The following KCNJ10 variants were observed in gnomAD, a reference collection of about 807,000 sequenced individuals.
The protein encoded by KCNJ10 is ATP-sensitive inward rectifier potassium channel 10.
Under a neutral mutation model 22.2 loss-of-function variants are expected in KCNJ10, and 9 were observed. The ratio of observed to expected loss-of-function variants is 0.40; its 90% confidence interval spans 0.24 to 0.71. KCNJ10 has a LOEUF of 0.71. KCNJ10 is among the 30% of genes least tolerant of loss of function. KCNJ10 has a pLI of 0.35. For missense variants in KCNJ10, 337 were observed against 482.7 expected (o/e 0.70, Z 2.83); for synonymous variants, 184 against 187.3 (o/e 0.98, Z 0.15).
chr1:160,042,455 T>A lies in KCNJ10; in HGVS notation c.78A>T (p.Arg26=). The A allele has an allele frequency of 6.2e-7, 1 of 1,614,142 alleles. No homozygotes were observed. Among genetic ancestry groups the A allele is most frequent in the Non-Finnish European group, 8.5e-7 (1 of 1,180,014 alleles). ...ESRPLMGPGI[R]RRRVLTKDGR... ...CATCTTTTGTCAGGACTCTCCGCCG[T>A]CGTATCCCTGGGCCCATTAGGGGCC... The change falls in exon 2 of 2, where the codon CGA becomes CGT. Residue 26 remains arginine, a synonymous_variant. Transcript: ENST00000644903.
chr1:160,062,956 C>G (rs911755846), intron 1 of KCNJ10, among the ~76,000 whole-genome samples: 4 of 152,076 alleles, frequency 2.6e-5, no homozygotes, highest in African/African-American at 9.7e-5. Flanking sequence ...GGACAAGAGT[C>G]GCCTGCCACC....
chr1:160,065,550 G>A lies in KCNJ10; in HGVS notation c.-1+4472C>T, dbSNP rs1649304684. Among the ~76,000 whole-genome samples, 3 of 152,184 alleles carry A rather than the reference G, an allele frequency of 2.0e-5. No homozygotes were observed. In the South Asian group the frequency reaches 6.2e-4, roughly 32 times the overall value. ...GTAACAAGCAAGATGGCAGAGCAGA[G>A]AGGGAAACAGGAGAATAGAGATCTG... is the stretch of plus-strand genomic sequence containing the variant. On this transcript the variant is annotated intron_variant, in intron 1 of 1. Coordinates refer to ENST00000644903, the MANE Select transcript of KCNJ10 (RefSeq NM_002241.5).
At chr1:160,059,540 G>A (rs1220931412) in intron 1 of KCNJ10, among the ~76,000 whole-genome samples, 1 of 152,192 alleles carries the variant, frequency 6.6e-6, no homozygotes, top group African/African-American at 2.4e-5. Context: ...GCCAACCACA[G>A]CCACAGCCAC....
At position 160,041,855 on chromosome 1, in the gene KCNJ10, C is replaced by T; in HGVS notation, c.678G>A (p.Gly226=). 6.2e-7 allele frequency: 1 copy of T among 1,614,216 alleles called. No homozygotes were observed. The highest frequency in any genetic ancestry group is 1.3e-5 in the African/African-American group (1 of 75,056). ...KLLQTHQTKE[G]ENIRLNQVNV... ...TGACCTGGTTGAGCCGGATGTTCTC[C>T]CCTTCCTTGGTTTGGTGGGTCTGAA... Residue 226 remains glycine (G), a synonymous_variant, in exon 2 of 2, where the codon GGG becomes GGA. Transcript: ENST00000644903. This position sits in a 1 kb window ranked among gnomAD's most constrained non-coding sequence, Gnocchi z 4.4.
At chr1:160,066,034 T>C (rs1436923214) in intron 1 of KCNJ10, among the ~76,000 whole-genome samples, 1 of 151,922 alleles carries the variant, frequency 6.6e-6, no homozygotes, top group South Asian at 2.1e-4. Flanking sequence ...AGAGGCAGGA[T>C]GAAGAATACA....
At chr1:160,042,763 C>G (rs906486317) in intron 1 of KCNJ10, among the ~76,000 whole-genome samples, 1 of 152,016 alleles carries the variant, frequency 6.6e-6, no homozygotes, top group Non-Finnish European at 1.5e-5. Context: ...AAGGCAAAAC[C>G]CTGTCTCTAC....
At chr1:160,049,679 A>ATATATATATATT (rs1648839554) in intron 1 of KCNJ10, among the ~76,000 whole-genome samples, 1 of 28,160 alleles carries the variant, frequency 3.6e-5, no homozygotes, top group African/African-American at 1.7e-4. Context: ...ATTTATTTAT[A>ATATATATATATT]TATATATATA....
chr1:160,064,026 A>G (rs1557974627), intron 1 of KCNJ10, among the ~76,000 whole-genome samples: 2 of 152,256 alleles, frequency 1.3e-5, no homozygotes, highest in Admixed American at 6.5e-5. Context: ...GAGTAGTAGA[A>G]CAGAGGCAGA....
intron 1 of KCNJ10, among the ~76,000 whole-genome samples, chr1:160,063,767 C>T (rs1649254809): frequency 6.6e-6 from 1 of 152,206 alleles, no homozygotes; most frequent in Admixed American, 6.5e-5. Flanking sequence ...GGGCCGAGCT[C>T]CTATGTGTAG....
chr1:160,053,132 G>A (rs1350523469), intron 1 of KCNJ10, among the ~76,000 whole-genome samples: 1 of 151,990 alleles, frequency 6.6e-6, no homozygotes, highest in African/African-American at 2.4e-5. Context: ...GGATGATTAG[G>A]GTCACTTCCT....
At chr1:160,054,440 C>T (rs938661983) in intron 1 of KCNJ10, among the ~76,000 whole-genome samples, 4 of 152,340 alleles carry the variant, frequency 2.6e-5, no homozygotes, top group South Asian at 2.1e-4. Context: ...ACCCATCCCT[C>T]CTCATCTTAA....
In KCNJ10 at chr1:160,055,926, C is replaced by T. The variant is rs1649023904; in HGVS notation, c.1-13394G>A. On this transcript the variant is annotated intron_variant, in intron 1 of 1. Coordinates refer to ENST00000644903, the MANE Select transcript of KCNJ10 (RefSeq NM_002241.5). ...CTGGGTGTCCAAGTACTTACAGGCTCCCGCTACCTGGAGCATTCCAATTTT... is the reference window on the plus strand; with the variant it reads ...CTGGGTGTCCAAGTACTTACAGGCTTCCGCTACCTGGAGCATTCCAATTTT... 2.0e-5 allele frequency among the ~76,000 whole-genome samples: 3 copies of T among 152,324 alleles called. No homozygotes were observed. The South Asian group carries it at 6.2e-4, about 32-fold the overall frequency.
rs1649415780 is a variant in KCNJ10, at chr1:160,070,108, G to A, written c.-87C>T. On this transcript the variant is annotated 5_prime_UTR_variant, in exon 1 of 2. Coordinates refer to ENST00000644903, the MANE Select transcript of KCNJ10 (RefSeq NM_002241.5). This position sits in a 1 kb window ranked among gnomAD's most constrained non-coding sequence, Gnocchi z 4.3. ...ACGGGGCGGGCAGGAGTTAGGAGCA[G>A]AGCTGTGCGACGGGCCGGGCCAGGA... is the stretch of plus-strand genomic sequence containing the variant. The A allele has an allele frequency of 6.5e-6, 1 of 152,752 alleles. No individual in the cohort carries two copies. The highest frequency in any genetic ancestry group is 2.4e-5 in the African/African-American group (1 of 41,424). The allele number at this position is 152,752 out of a possible 1,614,324, so 9.5% of individuals were successfully genotyped here. A position where few individuals can be genotyped will look rare whatever the true frequency, so the allele number is the denominator to read the frequency against.
At chr1:160,063,538 C>T (rs956910651) in intron 1 of KCNJ10, 1 of 152,410 alleles carries the variant, frequency 6.6e-6, no homozygotes, top group African/African-American at 2.4e-5. Flanking sequence ...CAAGGCTTCC[C>T]ACTGTACTGC....
In KCNJ10 at chr1:160,041,159, TG is replaced by T. The variant is rs1030158376; in HGVS notation, c.*233del. 4.7e-5 allele frequency: 27 copies of T among 575,802 alleles called. No individual in the cohort carries two copies. The highest frequency in any genetic ancestry group is 3.6e-4 in the African/African-American group (19 of 53,508). 35.7% of individuals were successfully genotyped at this position (575,802 alleles called of 1,614,324 possible). ...CCTAATCCCACTCTTTCCCCCATCC[TG>T]GCTTAAGGGAGGTATGTGTATTGGG... On this transcript the variant is annotated 3_prime_UTR_variant, in exon 2 of 2. Coordinates refer to ENST00000644903, the MANE Select transcript of KCNJ10 (RefSeq NM_002241.5). The surrounding 1 kb of genome is among the most constrained non-coding windows in gnomAD (Gnocchi z 4.4).
rs908525660 is a variant in KCNJ10, at chr1:160,039,521, C to T, written c.*1872G>A. On this transcript the variant is annotated 3_prime_UTR_variant, in exon 2 of 2. Coordinates refer to ENST00000644903, the MANE Select transcript of KCNJ10 (RefSeq NM_002241.5). ...AAGCTGGCTCTTGGCCTTCTGTTCT[C>T]TGTTTCAGATTTTTCAAGTTTTTGT... The T allele has an allele frequency of 6.6e-6, 1 of 152,152 alleles. No homozygotes were observed. The highest frequency in any genetic ancestry group is 1.5e-5 in the Non-Finnish European group (1 of 68,050). 9.4% of individuals were successfully genotyped at this position (152,152 alleles called of 1,614,324 possible). A position where few individuals can be genotyped will look rare whatever the true frequency, so the allele number is the denominator to read the frequency against.
chr1:160,063,848 G>A (rs1266540472), intron 1 of KCNJ10, among the ~76,000 whole-genome samples: 5 of 152,202 alleles, frequency 3.3e-5, no homozygotes, highest in Admixed American at 6.5e-5. Flanking sequence ...GCAAGGCTCC[G>A]GAATTTAATG....
chr1:160,059,579 A>G (rs1649134693), intron 1 of KCNJ10, among the ~76,000 whole-genome samples: 1 of 152,098 alleles, frequency 6.6e-6, no homozygotes, highest in Non-Finnish European at 1.5e-5. Flanking sequence ...TGGGCCTCCC[A>G]CCTAGTAGGT....
At chr1:160,061,393 G>A (rs895800812) in intron 1 of KCNJ10, among the ~76,000 whole-genome samples, 1 of 152,018 alleles carries the variant, frequency 6.6e-6, no homozygotes, top group African/African-American at 2.4e-5. Context: ...ATGCAAAGAC[G>A]GACACACTGG....
Sources: allele counts gnomAD v4.1 joint callset (sites outside exome capture counted in the v4.1 genomes callset), GRCh38; gene constraint gnomAD v4.1.1; non-coding constraint Gnocchi (gnomAD v3.1); transcripts MANE v1.5; gene names NCBI Gene and HGNC (gene_info 2026-07-23, HGNC 2026-07-21).